The following KIAA1191 variants were observed in gnomAD, a reference collection of about 807,000 sequenced individuals.
The protein encoded by KIAA1191 is putative monooxygenase p33MONOX.
In KIAA1191, 22 loss-of-function variants were observed where a neutral mutation model predicts 31.1. The observed-to-expected ratio is 0.71, with a 90% CI of 0.51 to 1.01. The LOEUF is 1.01. KIAA1191 is among the 50% of genes least tolerant of loss of function. The probability of loss-of-function intolerance (pLI) is 0.00; values close to 1 mark genes in which losing one functional copy is unlikely to be tolerated. For missense variants in KIAA1191, 319 were observed against 388.0 expected (o/e 0.82, Z 1.49); for synonymous variants, 130 against 143.9 (o/e 0.90, Z 0.69).
At chr5:176,354,300 C>T (rs558542345) in intron 4 of KIAA1191, 1 of 152,270 alleles carries the variant, frequency 6.6e-6, no homozygotes, top group Non-Finnish European at 1.5e-5. Context: ...GGGACTCACA[C>T]CCAGGCCTAT....
chr5:176,354,035 G>T (rs1361617273), intron 4 of KIAA1191, among the ~76,000 whole-genome samples: 1 of 152,220 alleles, frequency 6.6e-6, no homozygotes, highest in Non-Finnish European at 1.5e-5. Flanking sequence ...TGTCTGCCCT[G>T]AAAGTCTGTT....
intron 4 of KIAA1191, 43 bp from the exon 5 acceptor site, chr5:176,352,791 G>T: frequency 1.3e-6 from 2 of 1,579,182 alleles, no homozygotes; most frequent in East Asian, 2.3e-5. Context: ...AGGCAGGGCA[G>T]GGGAGTCACA....
In KIAA1191 at chr5:176,348,076, G is replaced by A. The variant is rs1766671837; in HGVS notation, c.567-13C>T. 2 of 1,612,774 alleles carry A rather than the reference G, an allele frequency of 1.2e-6. No individual in the cohort carries two copies. Among genetic ancestry groups the A allele is most frequent in the East Asian group, 2.2e-5 (1 of 44,874 alleles). ...AGTGAACCAGCCCCTGGGAAAGAAAGAACAAAACATATCCTAAAATACCTC... is the reference window on the plus strand; with the variant it reads ...AGTGAACCAGCCCCTGGGAAAGAAAAAACAAAACATATCCTAAAATACCTC... On this transcript the variant is annotated splice_polypyrimidine_tract_variant and intron_variant, in intron 7 of 8. Coordinates refer to ENST00000298569, the MANE Select transcript of KIAA1191 (RefSeq NM_020444.5).
At chr5:176,348,382 CTT>C (rs780791154) in intron 6 of KIAA1191, 26 bp from the exon 7 acceptor site, 314 of 1,574,420 alleles carry the variant, frequency 2.0e-4, no homozygotes, top group Non-Finnish European at 2.6e-4. Context: ...AGAAGAGAGA[CTT>C]TTTAAAAATG....
intron 4 of KIAA1191, 65 bp from the exon 5 acceptor site, chr5:176,352,813 A>C: frequency 1.3e-6 from 2 of 1,491,526 alleles, no homozygotes; most frequent in Non-Finnish European, 1.8e-6. Flanking sequence ...ACCTAAACTT[A>C]CTCCTTTGGG....
chr5:176,356,261 A>G (rs1201671224), intron 3 of KIAA1191: 2 of 162,920 alleles, frequency 1.2e-5, no homozygotes, highest in African/African-American at 2.4e-5. Flanking sequence ...CACAGAAGCC[A>G]CCCCCTACTG....
chr5:176,356,301 C>G (rs1476701594), intron 3 of KIAA1191: 1 of 153,676 alleles, frequency 6.5e-6, no homozygotes, highest in African/African-American at 2.4e-5. Context: ...TCGTGCAAGA[C>G]TGAGGATATG....
At chr5:176,350,814 C>T in intron 5 of KIAA1191, 77 bp from the exon 6 acceptor site, 1 of 1,550,088 alleles carries the variant, frequency 6.5e-7, no homozygotes, top group Non-Finnish European at 8.8e-7. Context: ...TGGATATCTA[C>T]TATTCTCCCC....
chr5:176,360,262 T>C (rs1767883258), intron 1 of KIAA1191, among the ~76,000 whole-genome samples: 1 of 150,332 alleles, frequency 6.7e-6, no homozygotes, highest in Non-Finnish European at 1.5e-5. Context: ...GTTCACGCCA[T>C]TCTCCTGCCT....
rs757621868 is a variant in KIAA1191, at chr5:176,347,791, C to T, written c.727G>A (p.Ala243Thr). The change falls in exon 9 of 9, where the codon GCC (alanine) becomes ACC (threonine). Residue 243 changes from alanine to threonine, a missense_variant. Ala to Thr is a moderately conservative substitution (Grantham distance 58, BLOSUM62 0). Coordinates refer to ENST00000298569, the MANE Select transcript of KIAA1191 (RefSeq NM_020444.5). ...GAGGGCTTCTGGGCTCCTCGGTAGGCCTGGGTGGCAAAACTTCCTACAAAA... is the reference window on the plus strand; with the variant it reads ...GAGGGCTTCTGGGCTCCTCGGTAGGTCTGGGTGGCAAAACTTCCTACAAAA... ...KYDSGSFATQ[A>T]YRGAQKPSPL... 4.4e-5 allele frequency: 71 copies of T among 1,601,960 alleles called. No homozygotes were observed. Among genetic ancestry groups the T allele is most frequent in the Non-Finnish European group, 5.4e-5 (63 of 1,174,236 alleles).
In KIAA1191 at chr5:176,361,520, G is replaced by A. The variant is rs961222759; in HGVS notation, c.-168+82C>T. On this transcript the variant is annotated intron_variant, in intron 1 of 8. Transcript: ENST00000298569. The surrounding 1 kb of genome is among the most constrained non-coding windows in gnomAD (Gnocchi z 4.0). Reference sequence around the variant, plus strand: ...GGGGAGTGGCTTGGAGGGGCCCCGAGATCGGGCCTCGCCGGAAGCGCCCCT... The same window carrying A: ...GGGGAGTGGCTTGGAGGGGCCCCGAAATCGGGCCTCGCCGGAAGCGCCCCT... The A allele has an allele frequency of 3.3e-5, 5 of 152,524 alleles. No individual in the cohort carries two copies. The highest frequency in any genetic ancestry group is 6.5e-5 in the Admixed American group (1 of 15,294). The allele number at this position is 152,524 out of a possible 1,614,324, so 9.4% of individuals were successfully genotyped here.
At position 176,348,024 on chromosome 5, in the gene KIAA1191, G is replaced by T. The variant is rs747269303; in HGVS notation, c.606C>A (p.Gly202=). Residue 202 remains glycine (G), a synonymous_variant, in exon 8 of 9, where the codon GGC becomes GGA. Transcript: ENST00000298569. ...CAGAGTCCATGGTGCTAGGATTTGG[G>T]CCAGGTAAGGCTGTGGAAGAACCAG... ...FTSGSSTALP[G]PNPSTMDSGS... is the part of the protein sequence containing the mutation. The T allele has an allele frequency of 4.3e-6, 7 of 1,614,052 alleles. No homozygotes were observed. The highest frequency in any genetic ancestry group is 1.7e-5 in the Admixed American group (1 of 60,026).
rs1484138102 is a variant in KIAA1191, at chr5:176,352,633, G to C, written c.323C>G (p.Ser108Cys). The change falls in exon 5 of 9, where the codon TCT (serine) becomes TGT (cysteine). Residue 108 changes from serine (S) to cysteine (C), a missense_variant. By Grantham distance (112) the Ser-to-Cys change is moderately radical (BLOSUM62 -1). Coordinates refer to ENST00000298569, the MANE Select transcript of KIAA1191 (RefSeq NM_020444.5). ...TGAAGAGTGCTTACTTGTGATCAGA[G>C]AATTCATGATGACATGGGTAGCTTT... The part of the protein sequence containing the change: ...KAKATHVIMN[S>C]LITKQTQESI... The C allele has an allele frequency of 1.2e-6, 2 of 1,613,628 alleles. No individual in the cohort carries two copies. The highest frequency in any genetic ancestry group is 1.7e-6 in the Non-Finnish European group (2 of 1,179,790).
chr5:176,353,259 T>TA (rs1212930500), intron 4 of KIAA1191: 1 of 152,432 alleles, frequency 6.6e-6, no homozygotes, highest in African/African-American at 2.4e-5. Flanking sequence ...TCCCAGGTGT[T>TA]ACTGATGCTG....
At chr5:176,360,950 G>A (rs868296220) in intron 1 of KIAA1191, among the ~76,000 whole-genome samples, 8 of 151,624 alleles carry the variant, frequency 5.3e-5, no homozygotes, top group African/African-American at 1.7e-4. Flanking sequence ...GTTTACAGGG[G>A]AGTTAAAACG....
rs576337888 is a variant in KIAA1191 at position 176,355,381 on chromosome 5, A to AT, written c.207+189dup. 1.3e-4 allele frequency among the ~76,000 whole-genome samples: 19 copies of AT among 146,276 alleles called. No individual in the cohort carries two copies. Among genetic ancestry groups the AT allele is most frequent in the African/African-American group, 2.3e-4 (9 of 39,436 alleles). On this transcript the variant is annotated intron_variant, in intron 4 of 8. Coordinates refer to ENST00000298569, the MANE Select transcript of KIAA1191 (RefSeq NM_020444.5). This position sits in a 1 kb window ranked among gnomAD's most constrained non-coding sequence, Gnocchi z 4.2. ...ACCTCGGGTAACCCTAAAGCTACTG[A>AT]TTTTTTTTTTAACAAAATAAATAAA...
Position 176,346,365 on chromosome 5 carries a change from A to G in KIAA1191, c.*1235T>C, listed in dbSNP as rs1766500358. The stretch of plus-strand genomic sequence containing the variant: ...GGTGAAAAATGCTTTCATACAGAAA[A>G]TTTTGAATTGAGTGACCTCCCCGCA... On this transcript the variant is annotated 3_prime_UTR_variant, in exon 9 of 9. Coordinates refer to ENST00000298569, the MANE Select transcript of KIAA1191 (RefSeq NM_020444.5). 1 of 152,252 alleles carries G rather than the reference A, an allele frequency of 6.6e-6. No individual in the cohort carries two copies. The highest frequency in any genetic ancestry group is 6.5e-5 in the Admixed American group (1 of 15,294). The allele number at this position is 152,252 out of a possible 1,614,324, so 9.4% of individuals were successfully genotyped here.
rs1466314490 is a variant in KIAA1191, at chr5:176,355,143, T to C, written c.207+428A>G. Among the ~76,000 whole-genome samples the C allele has an allele frequency of 1.3e-5, 2 of 151,952 alleles. No homozygotes were observed. Among genetic ancestry groups the C allele is most frequent in the Non-Finnish European group, 1.5e-5 (1 of 67,998 alleles). On this transcript the variant is annotated intron_variant, in intron 4 of 8. Transcript: ENST00000298569. The surrounding 1 kb of genome is among the most constrained non-coding windows in gnomAD (Gnocchi z 4.2). ...AGATGCAGGCAGGACTTAGATCACA[T>C]GGACTGTGGATCATGCTGAGCTTGG...
At position 176,355,740 on chromosome 5, in the gene KIAA1191, G is replaced by A. The variant is rs1211923992; in HGVS notation, c.38C>T (p.Ala13Val). ...GGACATCTTGCCTAGAGGCGCACTA[G>A]CCTCAAGAGCTAAGAACAGAGACAC... ...SRQPEVPALE[A>V]SAPLGKMSLP... The change falls in exon 4 of 9, where the codon GCT becomes GTT. Residue 13 changes from alanine to valine, a missense_variant. Coordinates refer to ENST00000298569, the MANE Select transcript of KIAA1191 (RefSeq NM_020444.5). The surrounding 1 kb of genome is among the most constrained non-coding windows in gnomAD (Gnocchi z 4.2). 6.2e-7 allele frequency: 1 copy of A among 1,614,070 alleles called. No individual in the cohort carries two copies. Among genetic ancestry groups the A allele is most frequent in the Non-Finnish European group, 8.5e-7 (1 of 1,180,038 alleles).
Sources: allele counts gnomAD v4.1 joint callset (sites outside exome capture counted in the v4.1 genomes callset), GRCh38; gene constraint gnomAD v4.1.1; non-coding constraint Gnocchi (gnomAD v3.1); transcripts MANE v1.5; gene names NCBI Gene and HGNC (gene_info 2026-07-23, HGNC 2026-07-21).